GET3: variants seen among roughly 807,000 people sequenced by gnomAD.
The protein encoded by GET3 is ATPase GET3.
In GET3, 15 loss-of-function variants were observed where a neutral mutation model predicts 32.4. The observed-to-expected ratio is 0.46, with a 90% CI of 0.31 to 0.71. GET3 has a LOEUF of 0.71. GET3 is among the 30% of genes least tolerant of loss of function. The probability of loss-of-function intolerance (pLI) is 0.05; values close to 1 mark genes in which losing one functional copy is unlikely to be tolerated. For missense variants in GET3, 333 were observed against 459.0 expected (o/e 0.73, Z 2.51); for synonymous variants, 198 against 185.6 (o/e 1.07, Z -0.54).
intron 2 of GET3, among the ~76,000 whole-genome samples, chr19:12,739,305 C>T (rs2145685283): frequency 6.6e-6 from 1 of 152,242 alleles, no homozygotes; most frequent in Admixed American, 6.5e-5. Flanking sequence ...GTAGCTGGCA[C>T]TACAGGCTTG....
Position 12,745,300 on chromosome 19 carries a change from C to T in GET3, c.310-77C>T, listed in dbSNP as rs1275461410. On this transcript the variant is annotated intron_variant, in intron 2 of 6. Transcript: ENST00000357332. This position sits in a 1 kb window ranked among gnomAD's most constrained non-coding sequence, Gnocchi z 5.0. ...GGCCCTGTGCCCGGGTAGGAAGGCT[C>T]CCCCTGGCCCTGTGCCCAGGTGGGA... 5.2e-6 allele frequency: 8 copies of T among 1,546,052 alleles called. No homozygotes were observed. Among genetic ancestry groups the T allele is most frequent in the South Asian group, 1.2e-5 (1 of 84,488 alleles).
chr19:12,746,278 A>G (rs1967769474), intron 4 of GET3, among the ~76,000 whole-genome samples: 1 of 152,134 alleles, frequency 6.6e-6, no homozygotes, highest in Non-Finnish European at 1.5e-5. Flanking sequence ...GACTACAGAC[A>G]TGTACCACCA....
Position 12,745,541 on chromosome 19 carries a change from C to T in GET3, c.458+16C>T. 5 of 1,612,814 alleles carry T rather than the reference C, an allele frequency of 3.1e-6. No individual in the cohort carries two copies. Among genetic ancestry groups the T allele is most frequent in the Non-Finnish European group, 4.2e-6 (5 of 1,179,980 alleles). On this transcript the variant is annotated intron_variant, in intron 3 of 6. Transcript: ENST00000357332. This position sits in a 1 kb window ranked among gnomAD's most constrained non-coding sequence, Gnocchi z 5.0. ...AGGTCATGAGGTCAGGCCCAGCCAGCAGGGGTGGGGGCTGCCTGGGGAAGG... is the reference window on the plus strand; with the variant it reads ...AGGTCATGAGGTCAGGCCCAGCCAGTAGGGGTGGGGGCTGCCTGGGGAAGG...
chr19:12,740,493 G>A (rs143722466), intron 2 of GET3, among the ~76,000 whole-genome samples: 78 of 151,596 alleles, frequency 5.1e-4, no homozygotes, highest in Non-Finnish European at 8.7e-4. Flanking sequence ...TGGCTAACAC[G>A]GTGAAACCTC....
At chr19:12,741,924 G>C (rs1043636052) in intron 2 of GET3, among the ~76,000 whole-genome samples, 1 of 152,130 alleles carries the variant, frequency 6.6e-6, no homozygotes, top group East Asian at 1.9e-4. Context: ...GTCTCCAAAA[G>C]GGTGAGGAGC....
intron 2 of GET3, among the ~76,000 whole-genome samples, chr19:12,742,173 G>A (rs993568963): frequency 6.6e-6 from 1 of 151,904 alleles, no homozygotes. Context: ...GGTTGAGGCA[G>A]GAGGATCATT....
intron 2 of GET3, among the ~76,000 whole-genome samples, chr19:12,743,957 CTAACCTCAGG>C (rs1405303553): frequency 6.8e-6 from 1 of 146,592 alleles, no homozygotes; most frequent in Non-Finnish European, 1.5e-5. Flanking sequence ...TCTCGATCTC[CTAACCTCAGG>C]TGATCTGCCT....
rs1368570947 is a variant in GET3, at chr19:12,737,568, G to C, written c.63G>C (p.Val21=). ...AGGAGTTCGAAGATGCTCCTGATGT[G>C]GAGCCGCTGGAGCCTACACTTAGCA... ...EAEEFEDAPD[V]EPLEPTLSNI... Residue 21 remains valine, a synonymous_variant, in exon 1 of 7, where the codon GTG becomes GTC. Coordinates refer to ENST00000357332, the MANE Select transcript of GET3 (RefSeq NM_004317.4). 2 of 1,610,412 alleles carry C rather than the reference G, an allele frequency of 1.2e-6. No individual in the cohort carries two copies. The highest frequency in any genetic ancestry group is 2.7e-5 in the African/African-American group (2 of 74,860).
Position 12,737,522 on chromosome 19 carries a change from C to T in GET3, c.17C>T (p.Ala6Val), listed in dbSNP as rs765704780. ...AGTTCCAAAATGGCGGCAGGGGTGG[C>T]CGGGTGGGGGGTTGAGGCAGAGGAG... is the stretch of plus-strand genomic sequence containing the variant. MAAGV[A>V]GWGVEAEEFE... Residue 6 changes from alanine to valine, a missense_variant, in exon 1 of 7, where the codon GCC becomes GTC. Ala to Val is a moderately conservative substitution (Grantham distance 64). Transcript: ENST00000357332. 11 of 1,559,122 alleles carry T rather than the reference C, an allele frequency of 7.1e-6. No individual in the cohort carries two copies. Among genetic ancestry groups the T allele is most frequent in the South Asian group, 1.2e-5 (1 of 84,010 alleles).
intron 2 of GET3, among the ~76,000 whole-genome samples, chr19:12,743,507 A>G (rs1228570463): frequency 2.1e-5 from 3 of 143,708 alleles, no homozygotes; most frequent in South Asian, 2.3e-4. Flanking sequence ...TTAGCCAGGC[A>G]TGGCCAGGCG....
In GET3 at chr19:12,745,565, G is replaced by C; in HGVS notation, c.458+40G>C. The C allele has an allele frequency of 6.2e-7, 1 of 1,612,506 alleles. No homozygotes were observed. The highest frequency in any genetic ancestry group is 8.5e-7 in the Non-Finnish European group (1 of 1,179,966). Reference sequence around the variant, plus strand: ...GCAGGGGTGGGGGCTGCCTGGGGAAGGGGAAGAGCGGACACAGAGGGCCTG... The same window carrying C: ...GCAGGGGTGGGGGCTGCCTGGGGAACGGGAAGAGCGGACACAGAGGGCCTG... On this transcript the variant is annotated intron_variant, in intron 3 of 6. Transcript: ENST00000357332. This position sits in a 1 kb window ranked among gnomAD's most constrained non-coding sequence, Gnocchi z 5.0.
At position 12,745,887 on chromosome 19, in the gene GET3, T is replaced by C. The variant is rs1475495153; in HGVS notation, c.609+128T>C. The C allele has an allele frequency of 7.7e-7, 1 of 1,291,720 alleles. No homozygotes were observed. Among genetic ancestry groups the C allele is most frequent in the African/African-American group, 1.5e-5 (1 of 66,954 alleles). 80.0% of individuals were successfully genotyped at this position (1,291,720 alleles called of 1,614,324 possible). A position where few individuals can be genotyped will look rare whatever the true frequency, so the allele number is the denominator to read the frequency against. ...CCCACCCCTTCTCACTCTGGACTTC[T>C]CCCTGGAGGGGATGGGACGGAGCTG... On this transcript the variant is annotated intron_variant, in intron 4 of 6. Transcript: ENST00000357332. This position sits in a 1 kb window ranked among gnomAD's most constrained non-coding sequence, Gnocchi z 5.0.
In GET3 at chr19:12,738,555, T is replaced by C; in HGVS notation, c.206T>C (p.Leu69Pro). The C allele has an allele frequency of 6.2e-7, 1 of 1,614,198 alleles. No individual in the cohort carries two copies. The highest frequency in any genetic ancestry group is 8.5e-7 in the Non-Finnish European group (1 of 1,180,044). ...CTCTCCAAGGGGCGTGAGAGTGTTC[T>C]GATCATCTCCACAGACCCAGCACAC... ...VQLSKGRESV[L>P]IISTDPAHNI... The change falls in exon 2 of 7, where the codon CTG becomes CCG. Residue 69 changes from leucine to proline, a missense_variant. Transcript: ENST00000357332.
chr19:12,744,108 C>G (rs1013664367), intron 2 of GET3, among the ~76,000 whole-genome samples: 3 of 146,874 alleles, frequency 2.0e-5, no homozygotes, highest in African/African-American at 5.0e-5. Context: ...CTCAGCTACT[C>G]GGGAGGCTGA....
chr19:12,747,673 C>T lies in GET3; in HGVS notation c.915+81C>T. On this transcript the variant is annotated intron_variant, in intron 6 of 6. Transcript: ENST00000357332. The surrounding 1 kb of genome is among the most constrained non-coding windows in gnomAD (Gnocchi z 4.0). ...CTGATCTTTTGCTCCACCATCTGGC[C>T]CTCTGCCCTCTAGCCTCCTGCCCTT... The T allele has an allele frequency of 2.0e-6, 3 of 1,483,626 alleles. No homozygotes were observed. The South Asian group carries it at 3.7e-5, about 18-fold the overall frequency. The allele number at this position is 1,483,626 out of a possible 1,614,324, so 91.9% of individuals were successfully genotyped here.
upstream of GET3, chr19:12,737,401 G>T: frequency 7.5e-7 from 1 of 1,341,474 alleles, no homozygotes; most frequent in South Asian, 1.8e-5. Context: ...CAAGTAATGA[G>T]GAAATTAACT....
At chr19:12,746,753 T>C (rs2145695057) in intron 4 of GET3, among the ~76,000 whole-genome samples, 1 of 152,260 alleles carries the variant, frequency 6.6e-6, no homozygotes, top group East Asian at 1.9e-4. Flanking sequence ...CTCATGCCTG[T>C]AATCCTAGGA....
chr19:12,738,738 C>A, intron 2 of GET3, 80 bp downstream of exon 2: 1 of 1,552,790 alleles, frequency 6.4e-7, no homozygotes, highest in Non-Finnish European at 8.8e-7. Flanking sequence ...CAGCAGCCAC[C>A]GTGTCCTATC....
At chr19:12,740,618 A>T (rs539091889) in intron 2 of GET3, among the ~76,000 whole-genome samples, 1 of 152,184 alleles carries the variant, frequency 6.6e-6, no homozygotes, top group Admixed American at 6.5e-5. Context: ...TGGACCTTGC[A>T]GTGAGCCGAG....
Sources: gnomAD v4.1 joint callset for allele counts (sites outside exome capture counted in the v4.1 genomes callset) on GRCh38, gnomAD v4.1.1 for gene constraint, Gnocchi (gnomAD v3.1) non-coding constraint, MANE v1.5 for transcripts, NCBI Gene and HGNC (gene_info 2026-07-23, HGNC 2026-07-21) for gene names.